POT1: variants seen among roughly 807,000 people sequenced by gnomAD.
POT1 encodes protection of telomeres 1, also known as protection of telomeres protein 1.
POT1 carries 47 observed loss-of-function variants against 78.5 expected under a neutral mutation model. That is an observed-to-expected ratio of 0.60 (90% confidence interval 0.47 to 0.76). POT1 has a LOEUF of 0.76. Ranked by LOEUF, POT1 falls within the 30% of genes least tolerant of loss-of-function variation. The pLI, the probability that POT1 is intolerant of heterozygous loss-of-function variation, is 0.00. For synonymous variants in POT1, 259 were observed against 260.7 expected (o/e 0.99, Z 0.06); for missense variants, 646 against 749.9 (o/e 0.86, Z 1.62).
intron 6 of POT1, among the ~76,000 whole-genome samples, chr7:124,874,386 T>C (rs1026062417): frequency 5.9e-5 from 9 of 152,080 alleles, no homozygotes; most frequent in African/African-American, 1.4e-4. Flanking sequence ...GAGAAAGGTA[T>C]ATAAAACCTA....
chr7:124,847,027 A>G, intron 11 of POT1, 29 bp from the exon 12 acceptor site: 1 of 1,486,328 alleles, frequency 6.7e-7, no homozygotes. Context: ...AAAAAAATTA[A>G]GTCCATTACA....
At chr7:124,867,595 T>G (rs984775471) in intron 7 of POT1, among the ~76,000 whole-genome samples, 42 of 152,202 alleles carry the variant, frequency 2.8e-4, no homozygotes, top group African/African-American at 9.6e-4. Flanking sequence ...TTCTTATGTC[T>G]CCTCATTAGA....
At chr7:124,926,218 C>T (rs868486696) in intron 2 of POT1, among the ~76,000 whole-genome samples, 2 of 152,006 alleles carry the variant, frequency 1.3e-5, no homozygotes, top group Admixed American at 6.6e-5. Context: ...GGACTAATAT[C>T]CAGAATTTAC....
intron 14 of POT1, among the ~76,000 whole-genome samples, chr7:124,836,701 T>G (rs1415719491): frequency 6.6e-6 from 1 of 152,202 alleles, no homozygotes; most frequent in Non-Finnish European, 1.5e-5. Context: ...TTACTTAAAC[T>G]CTGGTATAAC....
At chr7:124,856,414 T>C (rs577515841) in intron 9 of POT1, among the ~76,000 whole-genome samples, 10 of 151,418 alleles carry the variant, frequency 6.6e-5, no homozygotes, top group Non-Finnish European at 1.5e-4. Flanking sequence ...TATAATGCTA[T>C]TGATATCTTC....
At chr7:124,922,824 G>A (rs562904589) in intron 2 of POT1, among the ~76,000 whole-genome samples, 1 of 151,874 alleles carries the variant, frequency 6.6e-6, no homozygotes, top group African/African-American at 2.4e-5. Flanking sequence ...TAAATAGTGA[G>A]ACTGTCAGAC....
At chr7:124,898,039 A>G (rs923547833) in intron 4 of POT1, among the ~76,000 whole-genome samples, 1 of 152,062 alleles carries the variant, frequency 6.6e-6, no homozygotes, top group Non-Finnish European at 1.5e-5. Flanking sequence ...AGTTTCATTA[A>G]TAAGTATTTA....
rs1442340607 is a variant in POT1, at chr7:124,897,158, ATCT to A, written c.9+4_9+6del. The A allele has an allele frequency of 4.1e-6, 6 of 1,447,792 alleles. No individual in the cohort carries two copies. Among genetic ancestry groups the A allele is most frequent in the Non-Finnish European group, 5.7e-6 (6 of 1,043,984 alleles). 89.7% of individuals were successfully genotyped at this position (1,447,792 alleles called of 1,614,324 possible). On this transcript the variant is annotated splice_donor_5th_base_variant and intron_variant, in intron 5 of 18. Transcript: ENST00000357628. ...AATACTCTAAATTAAACTGAATATC[ATCT>A]TACCAAAGACATTGATTCTGTAGAA...
At chr7:124,876,310 GA>G (rs1795989277) in intron 6 of POT1, among the ~76,000 whole-genome samples, 1 of 151,900 alleles carries the variant, frequency 6.6e-6, no homozygotes, top group Admixed American at 6.6e-5. Context: ...TATAATATTT[GA>G]AAAATGACTT....
At chr7:124,847,719 A>C (rs988139374) in intron 11 of POT1, among the ~76,000 whole-genome samples, 2 of 152,244 alleles carry the variant, frequency 1.3e-5, no homozygotes, top group African/African-American at 4.8e-5. Context: ...AACTGAATTA[A>C]ATTAAATAGA....
At chr7:124,883,184 T>C (rs1379516373) in intron 6 of POT1, among the ~76,000 whole-genome samples, 1 of 152,078 alleles carries the variant, frequency 6.6e-6, no homozygotes, top group Non-Finnish European at 1.5e-5. Flanking sequence ...GTCTGTCTGA[T>C]CCACCAACTC....
At chr7:124,840,795 T>G in intron 14 of POT1, 178 bp downstream of exon 14, 1 of 454,572 alleles carries the variant, frequency 2.2e-6, no homozygotes, top group Admixed American at 3.9e-5. Flanking sequence ...GATAAATTTA[T>G]GAACGTGTGC....
chr7:124,876,911 A>C (rs1438159046), intron 6 of POT1, among the ~76,000 whole-genome samples: 1 of 152,208 alleles, frequency 6.6e-6, no homozygotes, highest in Non-Finnish European at 1.5e-5. Flanking sequence ...AGAACAGCTA[A>C]CAATCTTATT....
Position 124,855,660 on chromosome 7 carries a change from T to TA in POT1, c.703-2523dup, listed in dbSNP as rs1037043312. Among the ~76,000 whole-genome samples the TA allele has an allele frequency of 1.2e-3, 174 of 149,078 alleles. 1 individual carries two copies. The highest frequency in any genetic ancestry group is 6.9e-3 in the Middle Eastern group (2 of 288). ...CAACTATAGAAGTCTATTTAAATAC[T>TA]AAAAAAAAACTAGAAACACTAAAAA... is the stretch of plus-strand genomic sequence containing the variant. On this transcript the variant is annotated intron_variant, in intron 9 of 18. Transcript: ENST00000357628.
intron 15 of POT1, among the ~76,000 whole-genome samples, chr7:124,832,368 A>G (rs1794788429): frequency 6.6e-6 from 1 of 152,110 alleles, no homozygotes; most frequent in Non-Finnish European, 1.5e-5. Context: ...TCTATAAGTT[A>G]AAATTATTTC....
At chr7:124,881,177 A>G (rs1368375341) in intron 6 of POT1, among the ~76,000 whole-genome samples, 1 of 151,964 alleles carries the variant, frequency 6.6e-6, no homozygotes, top group Non-Finnish European at 1.5e-5. Flanking sequence ...GTTTATTTTT[A>G]AAGTTATATA....
intron 7 of POT1, among the ~76,000 whole-genome samples, chr7:124,867,492 T>A (rs1409685685): frequency 1.3e-5 from 2 of 152,148 alleles, no homozygotes; most frequent in East Asian, 1.9e-4. Flanking sequence ...CTCATTCCTA[T>A]CACAGGGCCT....
chr7:124,827,745 T>G, intron 16 of POT1, among the ~76,000 whole-genome samples: 1 of 152,150 alleles, frequency 6.6e-6, no homozygotes, highest in Non-Finnish European at 1.5e-5. Flanking sequence ...GTATTTAAAA[T>G]AAGTTGACAC....
intron 11 of POT1, 99 bp from the exon 12 acceptor site, chr7:124,847,097 A>G: frequency 1.3e-6 from 1 of 752,744 alleles, no homozygotes; most frequent in Middle Eastern, 3.2e-4. Flanking sequence ...GAAAATATAA[A>G]TAAATGGTGA....
Sources: allele counts gnomAD v4.1 joint callset (sites outside exome capture counted in the v4.1 genomes callset), GRCh38; gene constraint gnomAD v4.1.1; transcripts MANE v1.5; gene names NCBI Gene and HGNC (gene_info 2026-07-23, HGNC 2026-07-21).